The following RORB variants were observed in gnomAD, a reference collection of about 807,000 sequenced individuals.
The protein encoded by RORB is nuclear receptor ROR-beta.
Under a neutral mutation model 59.1 loss-of-function variants are expected in RORB, and 6 were observed. The ratio of observed to expected loss-of-function variants is 0.10; its 90% confidence interval spans 0.06 to 0.20. RORB has a LOEUF of 0.20. Ranked by LOEUF, RORB falls within the 10% of genes least tolerant of loss-of-function variation. The probability of loss-of-function intolerance (pLI) is 1.00; values close to 1 mark genes in which losing one functional copy is unlikely to be tolerated. For missense variants in RORB, 320 were observed against 560.5 expected (o/e 0.57, Z 4.33); for synonymous variants, 215 against 204.5 (o/e 1.05, Z -0.44).
chr9:74,672,038 T>A, intron 9 of RORB, 137 bp downstream of exon 9: 1 of 556,282 alleles, frequency 1.8e-6, no homozygotes, highest in Middle Eastern at 3.5e-4. Context: ...TTGTGAGGTA[T>A]GCAATTTAAA....
At chr9:74,603,757 T>A (rs1207081516) in intron 1 of RORB, among the ~76,000 whole-genome samples, 1 of 152,204 alleles carries the variant, frequency 6.6e-6, no homozygotes, top group Non-Finnish European at 1.5e-5. Flanking sequence ...CTCTAATACA[T>A]CACTCTACCA....
intron 9 of RORB, among the ~76,000 whole-genome samples, chr9:74,683,763 A>G (rs1479730542): frequency 6.6e-6 from 1 of 152,060 alleles, no homozygotes. Flanking sequence ...TCCTCCCGCT[A>G]TTCTTCTTTG....
intron 1 of RORB, among the ~76,000 whole-genome samples, chr9:74,594,043 AT>A (rs1349885492): frequency 2.0e-5 from 3 of 152,226 alleles, no homozygotes; most frequent in Non-Finnish European, 2.9e-5. Flanking sequence ...TAGAAAAATA[AT>A]GGTGCTTGAA....
intron 9 of RORB, among the ~76,000 whole-genome samples, chr9:74,684,063 G>T (rs1373723101): frequency 6.6e-6 from 1 of 152,178 alleles, no homozygotes; most frequent in African/African-American, 2.4e-5. Flanking sequence ...CAGTGGAGAT[G>T]GTTAAGATTG....
At chr9:74,528,007 C>A (rs182397756) in intron 1 of RORB, among the ~76,000 whole-genome samples, 13 of 152,082 alleles carry the variant, frequency 8.5e-5, no homozygotes, top group African/African-American at 1.2e-4. Context: ...TATAGACGAT[C>A]AACAGATGAC....
intron 9 of RORB, among the ~76,000 whole-genome samples, chr9:74,675,443 G>T (rs1824421851): frequency 1.3e-5 from 2 of 152,092 alleles, no homozygotes; most frequent in Non-Finnish European, 1.5e-5. Context: ...TGGACTGCAT[G>T]GTCTTTAAGG....
chr9:74,612,194 G>T (rs1823240442), intron 1 of RORB, among the ~76,000 whole-genome samples: 1 of 152,066 alleles, frequency 6.6e-6, no homozygotes, highest in Non-Finnish European at 1.5e-5. Flanking sequence ...TCAAAATTAG[G>T]TTAGGTGTGG....
chr9:74,592,158 C>G (rs910725549), intron 1 of RORB, among the ~76,000 whole-genome samples: 1 of 152,144 alleles, frequency 6.6e-6, no homozygotes, highest in East Asian at 1.9e-4. Context: ...TCAGGATTCT[C>G]ACATCCCTAG....
intron 4 of RORB, among the ~76,000 whole-genome samples, chr9:74,651,137 G>T (rs1163783397): frequency 6.6e-6 from 1 of 152,062 alleles, no homozygotes; most frequent in Non-Finnish European, 1.5e-5. Context: ...TTGCTGTTTT[G>T]GTTTGTCCTA....
intron 1 of RORB, among the ~76,000 whole-genome samples, chr9:74,602,666 C>T (rs994669653): frequency 3.3e-5 from 5 of 152,170 alleles, no homozygotes; most frequent in African/African-American, 1.2e-4. Context: ...TTATGTAGCA[C>T]CTTTCTCCCC....
At chr9:74,528,213 C>T (rs1429466849) in intron 1 of RORB, among the ~76,000 whole-genome samples, 1 of 151,928 alleles carries the variant, frequency 6.6e-6, no homozygotes, top group Non-Finnish European at 1.5e-5. Context: ...CTGTAAGCTA[C>T]ATAAAGGGAC....
rs776134024 is a variant in RORB, at chr9:74,662,621, T to A, written c.892+15T>A. ...TCTGAAGTCAGGTAAGCAAGAAGAT[T>A]CATGGGAGGCCTATTTCAGATAAGG... is the stretch of plus-strand genomic sequence containing the variant. On this transcript the variant is annotated intron_variant, in intron 6 of 9. Transcript: ENST00000376896. The A allele has an allele frequency of 1.7e-5, 28 of 1,611,994 alleles. No individual in the cohort carries two copies. Among genetic ancestry groups the A allele is most frequent in the Non-Finnish European group, 2.4e-5 (28 of 1,179,862 alleles).
intron 1 of RORB, among the ~76,000 whole-genome samples, chr9:74,617,534 C>T (rs898233561): frequency 6.6e-6 from 1 of 152,132 alleles, no homozygotes; most frequent in Non-Finnish European, 1.5e-5. Context: ...TAAGATATCT[C>T]GGGTCCCATA....
chr9:74,554,605 T>C (rs1001123843), intron 1 of RORB, among the ~76,000 whole-genome samples: 1 of 152,044 alleles, frequency 6.6e-6, no homozygotes, highest in Non-Finnish European at 1.5e-5. Context: ...AAGGTCACTA[T>C]CTATCTTCAC....
intron 1 of RORB, among the ~76,000 whole-genome samples, chr9:74,614,614 A>C (rs1426827367): frequency 6.6e-6 from 1 of 152,036 alleles, no homozygotes; most frequent in African/African-American, 2.4e-5. Context: ...AAATAAGAAA[A>C]GGTTTGTGAT....
At chr9:74,576,941 G>A (rs1015909655) in intron 1 of RORB, among the ~76,000 whole-genome samples, 1 of 152,048 alleles carries the variant, frequency 6.6e-6, no homozygotes, top group African/African-American at 2.4e-5. Context: ...GCCTGTAAGA[G>A]GAGAATCCAG....
chr9:74,498,195 G>T, intron 1 of RORB: 1 of 614,240 alleles, frequency 1.6e-6, no homozygotes, highest in East Asian at 2.8e-5. Flanking sequence ...GGAGGGACGC[G>T]GGAGGGCGCT....
intron 7 of RORB, among the ~76,000 whole-genome samples, chr9:74,666,801 G>A (rs1197426963): frequency 1.3e-5 from 2 of 152,204 alleles, no homozygotes; most frequent in Admixed American, 6.5e-5. Flanking sequence ...GTCAGTCTTT[G>A]TTTGGAAGTG....
At chr9:74,636,848 T>G (rs879842138) in intron 3 of RORB, among the ~76,000 whole-genome samples, 4 of 152,158 alleles carry the variant, frequency 2.6e-5, no homozygotes, top group African/African-American at 4.8e-5. Flanking sequence ...AAAAGCTGCC[T>G]CTTCACTATA....
Sources: gnomAD v4.1 joint callset for allele counts (sites outside exome capture counted in the v4.1 genomes callset) on GRCh38, gnomAD v4.1.1 for gene constraint, MANE v1.5 for transcripts, NCBI Gene and HGNC (gene_info 2026-07-23, HGNC 2026-07-21) for gene names.